The following SFMBT2 variants were observed in gnomAD, a reference collection of about 807,000 sequenced individuals.
SFMBT2 encodes scm-like with four MBT domains protein 2.
In SFMBT2, 38 loss-of-function variants were observed where a neutral mutation model predicts 110.1. The observed-to-expected ratio is 0.35, with a 90% CI of 0.27 to 0.45. SFMBT2 has a LOEUF of 0.45. Among genes scored for constraint, SFMBT2 ranks in the 20% least tolerant of loss-of-function variants. The probability of loss-of-function intolerance (pLI) is 1.00; values close to 1 mark genes in which losing one functional copy is unlikely to be tolerated. For missense variants in SFMBT2, 1,011 were observed against 1,094.9 expected (o/e 0.92, Z 1.08); for synonymous variants, 425 against 425.4 (o/e 1.00, Z 0.01).
chr10:7,232,234 A>C (rs1840125781), intron 9 of SFMBT2, among the ~76,000 whole-genome samples: 1 of 152,196 alleles, frequency 6.6e-6, no homozygotes. Context: ...AATTGACATA[A>C]AACAGCTCTA....
In SFMBT2 at chr10:7,215,093, T is replaced by C. The variant is rs144151151; in HGVS notation, c.1330+5318A>G. Among the ~76,000 whole-genome samples the C allele has an allele frequency of 7.0e-4, 107 of 152,302 alleles. 1 individual carries two copies. In the East Asian group the frequency reaches 0.019, roughly 27 times the overall value. On this transcript the variant is annotated intron_variant, in intron 11 of 20. Transcript: ENST00000397167. ...AATAGGAGGAAAAGTGTATGAATCA[T>C]GATGAGGACAAAAACAGAGAAAACA...
intron 16 of SFMBT2, among the ~76,000 whole-genome samples, chr10:7,180,051 CCT>C (rs1412156350): frequency 2.0e-5 from 3 of 152,170 alleles, no homozygotes; most frequent in Non-Finnish European, 4.4e-5. Flanking sequence ...TGCCTGGACC[CCT>C]TCACTGGGGG....
chr10:7,306,930 C>T (rs553095760), intron 4 of SFMBT2, among the ~76,000 whole-genome samples: 1 of 152,210 alleles, frequency 6.6e-6, no homozygotes, highest in South Asian at 2.1e-4. Flanking sequence ...GAGGAAACAG[C>T]TAAAATTACC....
Position 7,293,589 on chromosome 10 carries a change from G to A in SFMBT2, c.437-7635C>T, listed in dbSNP as rs1342365784. ...GCAAGCTCCACTGGCCCTCATAGTC[G>A]TTAAGATCATTAAGATGACTATGAG... On this transcript the variant is annotated intron_variant, in intron 4 of 20. Transcript: ENST00000397167. The surrounding 1 kb of genome is among the most constrained non-coding windows in gnomAD (Gnocchi z 4.6). 3.9e-5 allele frequency among the ~76,000 whole-genome samples: 6 copies of A among 152,220 alleles called. No individual in the cohort carries two copies. Among genetic ancestry groups the A allele is most frequent in the South Asian group, 2.1e-4 (1 of 4,830 alleles).
At chr10:7,166,369 C>T (rs185644162) in intron 20 of SFMBT2, among the ~76,000 whole-genome samples, 1 of 152,200 alleles carries the variant, frequency 6.6e-6, no homozygotes, top group Non-Finnish European at 1.5e-5. Context: ...GATGGTGATT[C>T]AATCACCACT....
At chr10:7,209,654 G>A (rs1015915248) in intron 11 of SFMBT2, among the ~76,000 whole-genome samples, 1 of 152,194 alleles carries the variant, frequency 6.6e-6, no homozygotes, top group East Asian at 1.9e-4. Context: ...GCTACCATCT[G>A]TTTAAAAGGG....
intron 4 of SFMBT2, among the ~76,000 whole-genome samples, chr10:7,340,966 G>A (rs1024138492): frequency 6.6e-6 from 1 of 152,168 alleles, no homozygotes; most frequent in Non-Finnish European, 1.5e-5. Context: ...AGCCCATGCA[G>A]ATAACCAGGA....
In SFMBT2 at chr10:7,408,684, G is replaced by A. The variant is rs1222497699; in HGVS notation, c.-52+2177C>T. On this transcript the variant is annotated intron_variant, in intron 1 of 20. Transcript: ENST00000397167. This position sits in a 1 kb window ranked among gnomAD's most constrained non-coding sequence, Gnocchi z 5.7. ...CCTGGCCACGGGCGACCCCTGTCGGGAACCCTGTTCCCGGCTAAGCTGCGT... is the reference window on the plus strand; with the variant it reads ...CCTGGCCACGGGCGACCCCTGTCGGAAACCCTGTTCCCGGCTAAGCTGCGT... 1 of 152,228 alleles carries A rather than the reference G, an allele frequency of 6.6e-6. No individual in the cohort carries two copies. Among genetic ancestry groups the A allele is most frequent in the African/African-American group, 2.4e-5 (1 of 41,450 alleles). The allele number at this position is 152,228 out of a possible 1,614,324, so 9.4% of individuals were successfully genotyped here. A position where few individuals can be genotyped will look rare whatever the true frequency, so the allele number is the denominator to read the frequency against.
intron 9 of SFMBT2, among the ~76,000 whole-genome samples, chr10:7,238,403 C>G (rs1840326090): frequency 6.6e-6 from 1 of 152,128 alleles, no homozygotes; most frequent in South Asian, 2.1e-4. Context: ...TCAAACAAGG[C>G]AGAATGTTAG....
At chr10:7,241,370 G>T in intron 9 of SFMBT2, 1 of 976,016 alleles carries the variant, frequency 1.0e-6, no homozygotes, top group Non-Finnish European at 1.2e-6. Context: ...CTTATTGGAA[G>T]GTACTAGCCA....
chr10:7,387,177 C>T (rs1489023469), intron 1 of SFMBT2, among the ~76,000 whole-genome samples: 1 of 152,186 alleles, frequency 6.6e-6, no homozygotes, highest in Non-Finnish European at 1.5e-5. Context: ...GCACTCAACA[C>T]TCCTAGGCAT....
chr10:7,363,286 A>C (rs1844782926), intron 4 of SFMBT2, among the ~76,000 whole-genome samples: 2 of 151,734 alleles, frequency 1.3e-5, no homozygotes, highest in South Asian at 4.2e-4. Context: ...CCTCATTTCT[A>C]ATTTGCCTTC....
intron 6 of SFMBT2, 113 bp from the exon 7 acceptor site, chr10:7,277,102 C>T (rs985751359): frequency 3.3e-5 from 23 of 688,558 alleles, no homozygotes; most frequent in East Asian, 2.4e-4. Flanking sequence ...GGTCAGTGAC[C>T]GTGAGTGTTC....
At position 7,373,593 on chromosome 10, in the gene SFMBT2, T is replaced by G. The variant is rs992077221; in HGVS notation, c.101-3218A>C. On this transcript the variant is annotated intron_variant, in intron 2 of 20. Transcript: ENST00000397167. ...AAGCTGGAGCTCTTATGAAGTACTT[T>G]CCCCCTCCTTCTCCCACCTGTATCA... Among the ~76,000 whole-genome samples, 3 of 151,970 alleles carry G rather than the reference T, an allele frequency of 2.0e-5. No individual in the cohort carries two copies. The South Asian group carries it at 6.3e-4, about 32-fold the overall frequency.
At chr10:7,198,469 C>T (rs1838845557) in intron 14 of SFMBT2, among the ~76,000 whole-genome samples, 2 of 152,200 alleles carry the variant, frequency 1.3e-5, no homozygotes, top group Admixed American at 1.3e-4. Context: ...TTCAGTTTTA[C>T]TAGACATGGC....
chr10:7,253,687 G>A (rs1250640627), intron 7 of SFMBT2, among the ~76,000 whole-genome samples: 5 of 152,122 alleles, frequency 3.3e-5, no homozygotes, highest in African/African-American at 9.7e-5. Context: ...TTTGTAGTCT[G>A]GCCTCAAATA....
In SFMBT2 at chr10:7,161,956, C is replaced by T. The variant is rs926265844; in HGVS notation, c.*1814G>A. On this transcript the variant is annotated 3_prime_UTR_variant, in exon 21 of 21. Coordinates refer to ENST00000397167, the MANE Select transcript of SFMBT2 (RefSeq NM_001387889.1). ...TGAAAAAGCAGGAAGGGTGAGAAGC[C>T]TCTGCTTCCAGTGTCTGCTTGGGAA... The T allele has an allele frequency of 1.3e-5, 2 of 152,158 alleles. No individual in the cohort carries two copies. The highest frequency in any genetic ancestry group is 2.9e-5 in the Non-Finnish European group (2 of 68,044). 9.4% of individuals were successfully genotyped at this position (152,158 alleles called of 1,614,324 possible).
chr10:7,363,473 C>T lies in SFMBT2; in HGVS notation c.436+4176G>A, dbSNP rs375507704. 3.1e-4 allele frequency among the ~76,000 whole-genome samples: 47 copies of T among 152,120 alleles called. No individual in the cohort carries two copies. In the East Asian group the frequency reaches 6.2e-3, roughly 20 times the overall value. ...AAACAATTCTCCTGCCTCAGCCTGC[C>T]GAGTAGCTGGGATTACAGGCATGCG... On this transcript the variant is annotated intron_variant, in intron 4 of 20. Coordinates refer to ENST00000397167, the MANE Select transcript of SFMBT2 (RefSeq NM_001387889.1).
At chr10:7,325,963 T>C (rs2131946707) in intron 4 of SFMBT2, among the ~76,000 whole-genome samples, 1 of 152,364 alleles carries the variant, frequency 6.6e-6, no homozygotes, top group Admixed American at 6.5e-5. Context: ...TGAATATTGT[T>C]GGCATTCTTT....
Sources: allele counts gnomAD v4.1 joint callset (sites outside exome capture counted in the v4.1 genomes callset), GRCh38; gene constraint gnomAD v4.1.1; non-coding constraint Gnocchi (gnomAD v3.1); transcripts MANE v1.5; gene names NCBI Gene and HGNC (gene_info 2026-07-23, HGNC 2026-07-21).